The following HCN1 variants were observed in gnomAD, a reference collection of about 807,000 sequenced individuals.
HCN1 encodes the protein hyperpolarization activated cyclic nucleotide gated potassium channel 1.
Under a neutral mutation model 78.9 loss-of-function variants are expected in HCN1, and 13 were observed. The observed-to-expected ratio is 0.16, with a 90% confidence interval of 0.11 to 0.26. HCN1 has a LOEUF of 0.26. Among genes scored for constraint, HCN1 ranks in the 10% least tolerant of loss-of-function variants. The pLI, the probability that HCN1 is intolerant of heterozygous loss-of-function variation, is 1.00. For missense variants in HCN1, 810 were observed against 1,154.3 expected, an observed-to-expected ratio of 0.70 and a Z score of 4.32; for synonymous variants, 552 against 455.5, an observed-to-expected ratio of 1.21 and a Z score of -2.70.
chr5:45,522,936 C>T (rs1026317163), intron 2 of HCN1, among the ~76,000 whole-genome samples: 1 of 151,818 alleles, frequency 6.6e-6, no homozygotes, highest in Non-Finnish European at 1.5e-5. Flanking sequence ...TATACATGTG[C>T]CATGCTAGTG....
chr5:45,316,553 G>A (rs949551774), intron 5 of HCN1, among the ~76,000 whole-genome samples: 3 of 152,122 alleles, frequency 2.0e-5, no homozygotes, highest in Non-Finnish European at 2.9e-5. Flanking sequence ...AGTGTTGGAA[G>A]TTCTGGCCAG....
At chr5:45,570,200 C>A (rs980384565) in intron 2 of HCN1, among the ~76,000 whole-genome samples, 29 of 151,668 alleles carry the variant, frequency 1.9e-4, no homozygotes, top group African/African-American at 6.3e-4. Flanking sequence ...TCTTCTCTTC[C>A]TTTGTTCCTC....
intron 1 of HCN1, among the ~76,000 whole-genome samples, chr5:45,691,334 A>G (rs1271663012): frequency 6.6e-6 from 1 of 152,124 alleles, no homozygotes; most frequent in Non-Finnish European, 1.5e-5. Flanking sequence ...TTGCTCAGAA[A>G]AAAATGAAAA....
intron 2 of HCN1, among the ~76,000 whole-genome samples, chr5:45,581,059 G>A (rs1302029171): frequency 4.6e-5 from 7 of 152,164 alleles, no homozygotes; most frequent in African/African-American, 7.2e-5. Context: ...ACCCAGTAAT[G>A]GGATGGCTGG....
chr5:45,354,883 C>T (rs964325230), intron 4 of HCN1, among the ~76,000 whole-genome samples: 2 of 151,946 alleles, frequency 1.3e-5, no homozygotes, highest in African/African-American at 4.8e-5. Context: ...ATATGAAGAG[C>T]AGCACTGAAA....
chr5:45,694,423 G>A (rs1739967031), intron 1 of HCN1, among the ~76,000 whole-genome samples: 1 of 152,130 alleles, frequency 6.6e-6, no homozygotes, highest in Non-Finnish European at 1.5e-5. Flanking sequence ...TTGTGTGGCG[G>A]GACTGTGGAT....
intron 3 of HCN1, among the ~76,000 whole-genome samples, chr5:45,431,066 T>A (rs1486427401): frequency 6.6e-6 from 1 of 152,192 alleles, no homozygotes; most frequent in Non-Finnish European, 1.5e-5. Flanking sequence ...CAGCAGTGTA[T>A]AAGCATTCTC....
chr5:45,433,018 C>T (rs143926422), intron 3 of HCN1, among the ~76,000 whole-genome samples: 2,791 of 152,064 alleles, frequency 0.018, 54 homozygotes, highest in Non-Finnish European at 0.027. Context: ...ATGAGACTTA[C>T]GCAGTATCAT....
intron 2 of HCN1, among the ~76,000 whole-genome samples, chr5:45,627,463 G>A (rs1745191980): frequency 1.3e-5 from 2 of 152,094 alleles, no homozygotes; most frequent in South Asian, 2.1e-4. Context: ...TTATGGACGA[G>A]GTGCAACCAT....
At chr5:45,523,411 C>A (rs953417203) in intron 2 of HCN1, among the ~76,000 whole-genome samples, 1 of 151,936 alleles carries the variant, frequency 6.6e-6, no homozygotes, top group African/African-American at 2.4e-5. Flanking sequence ...ATTTCTAGTT[C>A]TAGATCCCTG....
intron 4 of HCN1, among the ~76,000 whole-genome samples, chr5:45,366,450 C>T (rs1184161839): frequency 2.6e-5 from 4 of 151,666 alleles, no homozygotes; most frequent in Admixed American, 6.6e-5. Flanking sequence ...GCGTTAAAAA[C>T]AGTAATAGCT....
rs1373191177 is a variant in HCN1, at chr5:45,262,066, C to T, written c.2528G>A (p.Arg843Gln). Residue 843 changes from arginine to glutamine, a missense_variant, in exon 8 of 8, where the codon CGA becomes CAA. Arg to Gln is a conservative substitution (Grantham distance 43, BLOSUM62 1). Transcript: ENST00000303230. Reference protein sequence around the residue: ...STVPQRVTLFRQMSSGAIPPN... With the variant: ...STVPQRVTLFQQMSSGAIPPN... Reference sequence around the variant, plus strand: ...GGGGATGGCTCCCGACGACATCTGTCGGAAGAGGGTGACGCGCTGCGGGAC... The same window carrying T: ...GGGGATGGCTCCCGACGACATCTGTTGGAAGAGGGTGACGCGCTGCGGGAC... The T allele has an allele frequency of 1.2e-6, 2 of 1,613,820 alleles. No homozygotes were observed. The highest frequency in any genetic ancestry group is 8.5e-7 in the Non-Finnish European group (1 of 1,179,972).
chr5:45,458,339 G>A (rs151236686), intron 3 of HCN1, among the ~76,000 whole-genome samples: 2 of 152,132 alleles, frequency 1.3e-5, no homozygotes, highest in East Asian at 1.9e-4. Context: ...GAATTTGTTA[G>A]ACCCACTAAT....
At chr5:45,476,064 A>G (rs890784254) in intron 2 of HCN1, among the ~76,000 whole-genome samples, 3 of 152,186 alleles carry the variant, frequency 2.0e-5, no homozygotes, top group Admixed American at 2.0e-4. Context: ...CTATAGGACA[A>G]TATTTTTACA....
intron 4 of HCN1, among the ~76,000 whole-genome samples, chr5:45,378,169 T>C (rs1158361244): frequency 6.6e-6 from 1 of 151,922 alleles, no homozygotes; most frequent in East Asian, 1.9e-4. Flanking sequence ...TTCCACATAT[T>C]TTATACCTAG....
rs193143593 is a variant in HCN1 at position 45,622,345 on chromosome 5, T to G, written c.849+22840A>C. ...TTTCTGAGTGCTATGGGTCAGTTTG[T>G]GGATGGGATGAATGCTTTAAAAACT... On this transcript the variant is annotated intron_variant, in intron 2 of 7. Transcript: ENST00000303230. 1.3e-3 allele frequency among the ~76,000 whole-genome samples: 200 copies of G among 152,322 alleles called. 1 individual carries two copies. Among genetic ancestry groups the G allele is most frequent in the Non-Finnish European group, 1.7e-3 (118 of 68,020 alleles).
intron 3 of HCN1, among the ~76,000 whole-genome samples, chr5:45,461,149 G>A (rs575606063): frequency 1.8e-4 from 27 of 151,906 alleles, no homozygotes; most frequent in Non-Finnish European, 3.1e-4. Flanking sequence ...GAGATTTATA[G>A]ATATATCAAC....
intron 5 of HCN1, among the ~76,000 whole-genome samples, chr5:45,314,806 A>T (rs1409711904): frequency 1.3e-5 from 2 of 152,210 alleles, no homozygotes; most frequent in African/African-American, 4.8e-5. Context: ...AAAGATCAAA[A>T]GAGACAAAGA....
At chr5:45,331,898 G>T (rs1746352007) in intron 5 of HCN1, among the ~76,000 whole-genome samples, 1 of 151,238 alleles carries the variant, frequency 6.6e-6, no homozygotes, top group Non-Finnish European at 1.5e-5. Context: ...TCTATATTCT[G>T]CCAAGGCAAG....
Sources: gnomAD v4.1 joint callset for allele counts (sites outside exome capture counted in the v4.1 genomes callset) on GRCh38, gnomAD v4.1.1 for gene constraint, MANE v1.5 for transcripts, NCBI Gene and HGNC (gene_info 2026-07-23, HGNC 2026-07-21) for gene names.